MALRD1: variants seen among roughly 807,000 people sequenced by gnomAD.
The protein encoded by MALRD1 is MAM and LDL-receptor class A domain-containing protein 1.
In MALRD1, 247 loss-of-function variants were observed where a neutral mutation model predicts 242.1. The ratio of observed to expected loss-of-function variants is 1.02; its 90% CI spans 0.92 to 1.13. The LOEUF (loss-of-function observed/expected upper bound fraction) is 1.13. Among genes scored for constraint, MALRD1 ranks in the 50% most tolerant of loss-of-function variants. The probability of loss-of-function intolerance (pLI) is 0.00; values close to 1 mark genes in which losing one functional copy is unlikely to be tolerated. For missense variants in MALRD1, 2,989 were observed against 2,533.1 expected, an observed-to-expected ratio of 1.18 and a Z score of -3.86; for synonymous variants, 995 against 866.6, an observed-to-expected ratio of 1.15 and a Z score of -2.60.
At chr10:19,384,013 T>C (rs1402609118) in intron 26 of MALRD1, among the ~76,000 whole-genome samples, 2 of 151,802 alleles carry the variant, frequency 1.3e-5, no homozygotes, top group African/African-American at 4.8e-5. Context: ...GAAAAAAGAC[T>C]TAAGGTCTGA....
intron 38 of MALRD1, among the ~76,000 whole-genome samples, chr10:19,695,745 C>G (rs773147485): frequency 9.9e-5 from 15 of 152,002 alleles, no homozygotes; most frequent in Non-Finnish European, 1.8e-4. Context: ...AGGTTGGTCT[C>G]AAACTCCTGA....
intron 13 of MALRD1, among the ~76,000 whole-genome samples, chr10:19,173,426 C>A (rs1328408496): frequency 6.6e-6 from 1 of 152,116 alleles, no homozygotes; most frequent in Non-Finnish European, 1.5e-5. Context: ...CACAAGCCTT[C>A]ATGTGTATAC....
At chr10:19,316,313 T>G (rs925393471) in intron 21 of MALRD1, among the ~76,000 whole-genome samples, 1 of 151,796 alleles carries the variant, frequency 6.6e-6, no homozygotes, top group African/African-American at 2.4e-5. Context: ...GATGTGTATT[T>G]TGGAAAGGAC....
At chr10:19,158,149 A>C (rs1358784881) in intron 12 of MALRD1, among the ~76,000 whole-genome samples, 1 of 152,240 alleles carries the variant, frequency 6.6e-6, no homozygotes, top group Middle Eastern at 3.2e-3. Context: ...AGGAAATGTA[A>C]AGTATGAAGG....
chr10:19,114,002 C>G (rs1836784308), intron 5 of MALRD1, among the ~76,000 whole-genome samples: 1 of 152,118 alleles, frequency 6.6e-6, no homozygotes, highest in South Asian at 2.1e-4. Context: ...TGCAGTTATT[C>G]AAATGCCAAA....
chr10:19,626,668 A>G (rs1839667439), intron 36 of MALRD1, among the ~76,000 whole-genome samples: 1 of 151,992 alleles, frequency 6.6e-6, no homozygotes, highest in Non-Finnish European at 1.5e-5. Context: ...CACATCACCC[A>G]CATAAAGAGT....
At chr10:19,533,781 C>A (rs1405061599) in intron 32 of MALRD1, among the ~76,000 whole-genome samples, 1 of 152,178 alleles carries the variant, frequency 6.6e-6, no homozygotes, top group East Asian at 1.9e-4. Flanking sequence ...CAACCTCCAG[C>A]ATTGGGGATT....
At chr10:19,642,616 A>C (rs910891320) in intron 36 of MALRD1, among the ~76,000 whole-genome samples, 4 of 152,208 alleles carry the variant, frequency 2.6e-5, no homozygotes, top group Admixed American at 6.5e-5. Flanking sequence ...ACCTACTTCT[A>C]AAGCTAGGAA....
chr10:19,365,425 C>T (rs926292988), intron 26 of MALRD1, among the ~76,000 whole-genome samples: 1 of 152,056 alleles, frequency 6.6e-6, no homozygotes, highest in African/African-American at 2.4e-5. Flanking sequence ...TTTCGACAGA[C>T]ATTTTATCAC....
intron 7 of MALRD1, among the ~76,000 whole-genome samples, chr10:19,125,373 CTTT>C (rs1837246322): frequency 1.8e-5 from 2 of 110,626 alleles, no homozygotes; most frequent in South Asian, 3.2e-4. Flanking sequence ...TTCTTTCTTT[CTTT>C]CTTTCCTTCC....
intron 21 of MALRD1, among the ~76,000 whole-genome samples, chr10:19,306,988 A>T (rs1350997943): frequency 6.6e-6 from 1 of 151,506 alleles, no homozygotes; most frequent in African/African-American, 2.4e-5. Flanking sequence ...ATTGGTGGGG[A>T]TACAGCCAAA....
At position 19,205,217 on chromosome 10, in the gene MALRD1, T is replaced by C; in HGVS notation, c.2530T>C (p.Cys844Arg). The change falls in exon 17 of 40, where the codon TGT becomes CGT. Residue 844 changes from cysteine (C) to arginine (R), a missense_variant. By Grantham distance (180) the Cys-to-Arg change is radical (BLOSUM62 -3). Transcript: ENST00000454679. ...TRACIEKLRL[C>R]DLVDDCGDRT... ...GGCTTGCATAGAAAAGCTTCGGTTA[T>C]GTGATCTGGTGGATGACTGTGGTGA... 6.4e-7 allele frequency: 1 copy of C among 1,551,080 alleles called. No individual in the cohort carries two copies. The highest frequency in any genetic ancestry group is 1.4e-5 in the African/African-American group (1 of 73,164).
At chr10:19,353,772 T>C (rs1020060471) in intron 26 of MALRD1, among the ~76,000 whole-genome samples, 5 of 152,214 alleles carry the variant, frequency 3.3e-5, no homozygotes, top group Non-Finnish European at 7.3e-5. Context: ...ATATAGGTCT[T>C]ATATAAGTCT....
At chr10:19,296,681 C>A (rs1841716758) in intron 21 of MALRD1, among the ~76,000 whole-genome samples, 1 of 151,964 alleles carries the variant, frequency 6.6e-6, no homozygotes, top group African/African-American at 2.4e-5. Context: ...ATCTTATTGG[C>A]TATTCATGTA....
intron 33 of MALRD1, among the ~76,000 whole-genome samples, chr10:19,594,680 G>A (rs893886391): frequency 2.0e-5 from 3 of 152,140 alleles, no homozygotes; most frequent in Non-Finnish European, 4.4e-5. Flanking sequence ...AATGTCTTTT[G>A]CAGCAACTAG....
intron 36 of MALRD1, among the ~76,000 whole-genome samples, chr10:19,630,590 A>C (rs1050934682): frequency 1.3e-5 from 2 of 152,302 alleles, no homozygotes; most frequent in African/African-American, 4.8e-5. Flanking sequence ...AAGGCTTTGC[A>C]TATATTATTC....
At chr10:19,247,464 GT>G (rs1355196301) in intron 18 of MALRD1, among the ~76,000 whole-genome samples, 1 of 151,856 alleles carries the variant, frequency 6.6e-6, no homozygotes, top group Non-Finnish European at 1.5e-5. Context: ...CTTAAGGTCT[GT>G]TTACAATAAG....
chr10:19,731,784 A>G lies in MALRD1; in HGVS notation c.6390+1003A>G, dbSNP rs750623078. On this transcript the variant is annotated intron_variant, in intron 39 of 39. Transcript: ENST00000454679. ...TTTTATTACATCTGAGTTTAGAGCTATATAAAATTCACTCCTTATAAAATG... is the reference window on the plus strand; with the variant it reads ...TTTTATTACATCTGAGTTTAGAGCTGTATAAAATTCACTCCTTATAAAATG... Among the ~76,000 whole-genome samples the G allele has an allele frequency of 1.7e-4, 26 of 152,364 alleles. 1 individual carries two copies. The highest frequency in any genetic ancestry group is 3.4e-3 in the Middle Eastern group (1 of 294).
chr10:19,445,596 A>T (rs1290206806), intron 28 of MALRD1, among the ~76,000 whole-genome samples: 1 of 152,208 alleles, frequency 6.6e-6, no homozygotes, highest in Non-Finnish European at 1.5e-5. Context: ...CCTGGGTATC[A>T]CCAGTGGAGG....
Sources: allele counts gnomAD v4.1 joint callset (sites outside exome capture counted in the v4.1 genomes callset), GRCh38; gene constraint gnomAD v4.1.1; transcripts MANE v1.5; gene names NCBI Gene and HGNC (gene_info 2026-07-23, HGNC 2026-07-21).